Variants in ZNF695 observed in about 807,000 individuals in gnomAD.
The protein encoded by ZNF695 is zinc finger protein 695.
In ZNF695, 11 loss-of-function variants were observed where a neutral mutation model predicts 11.2. That is an observed-to-expected ratio of 0.98 (90% CI 0.62 to 1.62). The LOEUF (loss-of-function observed/expected upper bound fraction) is 1.62. Among genes scored for constraint, ZNF695 ranks in the 40% most tolerant of loss-of-function variants. ZNF695 has a pLI of 0.00. For synonymous variants in ZNF695, 190 were observed against 201.4 expected, an observed-to-expected ratio of 0.94 and a Z score of 0.48; for missense variants, 559 against 590.5, an observed-to-expected ratio of 0.95 and a Z score of 0.55.
rs1317032946 is a variant in ZNF695 at position 247,005,680 on chromosome 1, A to AAAAC, written c.3+2222_3+2225dup. 7.2e-5 allele frequency among the ~76,000 whole-genome samples: 11 copies of AAAAC among 152,164 alleles called. No individual in the cohort carries two copies. The East Asian group carries it at 1.7e-3, about 24-fold the overall frequency. On this transcript the variant is annotated intron_variant, in intron 1 of 3. Coordinates refer to ENST00000339986, the MANE Select transcript of ZNF695 (RefSeq NM_020394.5). ...AGACTGTCTCAAAACAAAACAAAAC[A>AAAAC]AAACAAACAAACAAAAAAAACGATA...
rs748398000 is a variant in ZNF695 at position 247,000,046 on chromosome 1, A to G, written c.32T>C (p.Leu11Pro). The G allele has an allele frequency of 6.2e-7, 1 of 1,611,186 alleles. No individual in the cohort carries two copies. The highest frequency in any genetic ancestry group is 2.2e-5 in the East Asian group (1 of 44,842). The change falls in exon 2 of 4, where the codon CTA becomes CCA. Residue 11 changes from leucine to proline, a missense_variant. Transcript: ENST00000339986. ...TTCCCACTCCTCTGGAGAGAATTCT[A>G]GAGCCACATCCCTGAATGCCAATAG... MGLLAFRDVALEFSPEEWECL... is the reference protein window; with the variant it reads MGLLAFRDVAPEFSPEEWECL...
At chr1:246,968,648 CT>C (rs1455658514) in intron 4 of ZNF695, 1 of 152,258 alleles carries the variant, frequency 6.6e-6, no homozygotes, top group Admixed American at 6.5e-5. Flanking sequence ...GGCTCCGCCC[CT>C]GAAGCAAATT....
intron 4 of ZNF695, among the ~76,000 whole-genome samples, chr1:246,976,638 C>A (rs1022747668): frequency 1.3e-5 from 2 of 151,450 alleles, no homozygotes; most frequent in African/African-American, 4.9e-5. Flanking sequence ...ACTAAAAATA[C>A]AAAAAATTAG....
chr1:246,962,472 A>T (rs1206976668), intron 5 of ZNF695, among the ~76,000 whole-genome samples: 2 of 152,188 alleles, frequency 1.3e-5, no homozygotes, highest in Non-Finnish European at 2.9e-5. Flanking sequence ...TACTTCTTAA[A>T]TACCTCTCAA....
chr1:246,981,350 C>T (rs1367860977), downstream of ZNF695, among the ~76,000 whole-genome samples: 1 of 152,108 alleles, frequency 6.6e-6, no homozygotes, highest in Non-Finnish European at 1.5e-5. Context: ...AATAGAACTA[C>T]CATATGACAC....
At chr1:246,976,565 CG>C (rs1316679945) in intron 4 of ZNF695, among the ~76,000 whole-genome samples, 3 of 151,546 alleles carry the variant, frequency 2.0e-5, no homozygotes, top group African/African-American at 7.3e-5. Context: ...GAGGCCAAGG[CG>C]GGCAGATCAC....
chr1:246,971,428 A>C (rs1668422670), intron 4 of ZNF695, among the ~76,000 whole-genome samples: 1 of 152,136 alleles, frequency 6.6e-6, no homozygotes, highest in South Asian at 2.1e-4. Context: ...CAGGCCTTCC[A>C]CAAGAGGTGG....
chr1:246,945,677 TG>T, exon 6 of ZNF695: 2 of 972,086 alleles, frequency 2.1e-6, no homozygotes, highest in South Asian at 1.5e-5. Context: ...ATAGATTCTG[TG>T]GGAGGCATGT....
At chr1:246,976,001 AAGAG>A (rs1049171110) in intron 4 of ZNF695, among the ~76,000 whole-genome samples, 3 of 152,174 alleles carry the variant, frequency 2.0e-5, no homozygotes, top group Non-Finnish European at 4.4e-5. Flanking sequence ...TCTCAAGGTT[AAGAG>A]AGAGAGGCTT....
rs369262346 is a variant in ZNF695, at chr1:246,974,642, G to C, written c.391-6850C>G. Reference sequence around the variant, plus strand: ...GGGCATAATGGAAGAGTAATACTCAGGTGAGAGGGAGAGAAGGAGAAGCCT... The same window carrying C: ...GGGCATAATGGAAGAGTAATACTCACGTGAGAGGGAGAGAAGGAGAAGCCT... On this transcript the variant is annotated intron_variant, in intron 4 of 5. Transcript: ENST00000487338. 4.6e-5 allele frequency among the ~76,000 whole-genome samples: 7 copies of C among 152,168 alleles called. No homozygotes were observed. In the East Asian group the frequency reaches 5.8e-4, roughly 13 times the overall value.
intron 3 of ZNF695, among the ~76,000 whole-genome samples, chr1:246,992,114 A>T (rs1669058213): frequency 1.3e-5 from 2 of 151,958 alleles, no homozygotes; most frequent in Non-Finnish European, 2.9e-5. Context: ...CAGTGAGCCG[A>T]GATCGCGCCA....
chr1:246,989,428 T>A (rs1371267446), intron 3 of ZNF695, among the ~76,000 whole-genome samples: 1 of 152,110 alleles, frequency 6.6e-6, no homozygotes, highest in Non-Finnish European at 1.5e-5. Context: ...ATGCAAAGAG[T>A]GTTAGGTTCT....
chr1:246,974,925 T>C (rs1044158577), intron 4 of ZNF695, among the ~76,000 whole-genome samples: 2 of 152,188 alleles, frequency 1.3e-5, no homozygotes, highest in African/African-American at 4.8e-5. Context: ...ACCTTGTCAC[T>C]TCCTGTGATT....
chr1:246,984,152 C>CAAAAAAAAA (rs11321674), downstream of ZNF695, among the ~76,000 whole-genome samples: 2 of 91,638 alleles, frequency 2.2e-5, no homozygotes, highest in Admixed American at 1.6e-4. Flanking sequence ...ACCATGTCTC[C>CAAAAAAAAA]AAAAAAAAAA....
At chr1:247,001,232 A>G (rs1438398195) in intron 1 of ZNF695, among the ~76,000 whole-genome samples, 3 of 152,096 alleles carry the variant, frequency 2.0e-5, no homozygotes, top group Non-Finnish European at 4.4e-5. Flanking sequence ...AAAACGAACT[A>G]TTCTTATTTC....
rs1668821912 is a variant in ZNF695, at chr1:246,985,431, A to G, written c.*1536T>C. 1.0e-6 allele frequency: 1 copy of G among 985,260 alleles called. No homozygotes were observed. The highest frequency in any genetic ancestry group is 6.2e-5 in the Admixed American group (1 of 16,256). The allele number at this position is 985,260 out of a possible 1,614,324, so 61.0% of individuals were successfully genotyped here. On this transcript the variant is annotated 3_prime_UTR_variant, in exon 4 of 4. Transcript: ENST00000339986. The stretch of plus-strand genomic sequence containing the variant: ...AACGTGTGGGAACAATATTTTTCAA[A>G]TTATTTGAAGTTTAATGCCACTGGG...
rs980913101 is a variant in ZNF695, at chr1:246,999,330, T to G, written c.259+18A>C. 3 of 1,597,504 alleles carry G rather than the reference T, an allele frequency of 1.9e-6. No individual in the cohort carries two copies. In the African/African-American group the frequency reaches 4.0e-5, roughly 21 times the overall value. ...CCTTCAACCCCTACCTGTGTTCGCT[T>G]CATTCACTCCCACCTACCTGAGTGT... On this transcript the variant is annotated intron_variant, in intron 3 of 3. Coordinates refer to ENST00000339986, the MANE Select transcript of ZNF695 (RefSeq NM_020394.5).
At chr1:247,004,522 G>GTAGTTTCTGAAACTACATTATT (rs1256674828) in intron 1 of ZNF695, among the ~76,000 whole-genome samples, 1 of 152,130 alleles carries the variant, frequency 6.6e-6, no homozygotes, top group Non-Finnish European at 1.5e-5. Context: ...CCTCTAAGAT[G>GTAGTTTCTGAAACTACATTATT]TGGAACAAGA....
At chr1:246,988,875 G>C (rs1668936816) in intron 3 of ZNF695, among the ~76,000 whole-genome samples, 1 of 152,088 alleles carries the variant, frequency 6.6e-6, no homozygotes, top group Non-Finnish European at 1.5e-5. Context: ...CGGATCACGA[G>C]GTCAGGAGAT....
Sources: allele counts gnomAD v4.1 joint callset (sites outside exome capture counted in the v4.1 genomes callset), GRCh38; gene constraint gnomAD v4.1.1; transcripts MANE v1.5; gene names NCBI Gene and HGNC (gene_info 2026-07-23, HGNC 2026-07-21).